PTPRG: variants seen among roughly 807,000 people sequenced by gnomAD.
The protein encoded by PTPRG is protein tyrosine phosphatase receptor type G.
Under a neutral mutation model 165.3 loss-of-function variants are expected in PTPRG, and 102 were observed. The observed-to-expected ratio is 0.62, with a 90% confidence interval of 0.53 to 0.73. The LOEUF is 0.73. PTPRG is among the 30% of genes least tolerant of loss of function. The pLI is 0.00. For synonymous variants in PTPRG, 675 were observed against 669.5 expected (o/e 1.01, Z -0.13); for missense variants, 1,866 against 1,861.4 (o/e 1.00, Z -0.05).
In PTPRG at chr3:62,203,556, G is replaced by C; in HGVS notation, c.1761G>C (p.Glu587Asp). 6.4e-7 allele frequency: 1 copy of C among 1,553,030 alleles called. No homozygotes were observed. The highest frequency in any genetic ancestry group is 8.7e-7 in the Non-Finnish European group (1 of 1,147,576). Residue 587 changes from glutamate to aspartate, a missense_variant, in exon 12 of 30, where the codon GAG becomes GAC. Physicochemically the swap from Glu to Asp is conservative, Grantham distance 45. Transcript: ENST00000474889. This position sits in a 1 kb window ranked among gnomAD's most constrained non-coding sequence, Gnocchi z 6.4. Reference protein sequence around the residue: ...TEEGEKDEKSESEDGEREHEE... With the variant: ...TEEGEKDEKSDSEDGEREHEE... The stretch of plus-strand genomic sequence containing the variant: ...AAGGAGAGAAGGATGAGAAAAGCGA[G>C]AGTGAGGATGGGGAGCGGGAGCACG...
chr3:61,872,382 A>T (rs926722806), intron 2 of PTPRG, among the ~76,000 whole-genome samples: 1 of 152,190 alleles, frequency 6.6e-6, no homozygotes. Context: ...AAAAGGAGAA[A>T]GAACGTTGGT....
chr3:62,156,133 C>T (rs1704529112), intron 6 of PTPRG, among the ~76,000 whole-genome samples: 1 of 152,246 alleles, frequency 6.6e-6, no homozygotes, highest in East Asian at 1.9e-4. Context: ...ACTATTCCTT[C>T]CTGTCCCAGG....
At chr3:62,198,141 T>C (rs1370697419) in intron 10 of PTPRG, among the ~76,000 whole-genome samples, 1 of 152,248 alleles carries the variant, frequency 6.6e-6, no homozygotes, top group Non-Finnish European at 1.5e-5. Flanking sequence ...ATGTTTACCT[T>C]ACTGTGGAAA....
rs377551660 is a variant in PTPRG, at chr3:61,708,484, C to T, written c.86-40394C>T. 4.4e-4 allele frequency among the ~76,000 whole-genome samples: 54 copies of T among 123,936 alleles called. 1 individual carries two copies. The South Asian group carries it at 0.012, about 29-fold the overall frequency. The allele number at this position is 123,936 out of a possible 152,430, so 81.3% of individuals were successfully genotyped here. On this transcript the variant is annotated intron_variant, in intron 1 of 29. Transcript: ENST00000474889. ...TTTTTTTTTTTTTGAGACAGAGTCT[C>T]GCTCTCTTGCTCTGTCACCCTGACT...
intron 2 of PTPRG, among the ~76,000 whole-genome samples, chr3:61,866,886 C>CG (rs1559657274): frequency 6.6e-6 from 1 of 152,068 alleles, no homozygotes; most frequent in East Asian, 1.9e-4. Flanking sequence ...CATGTGACAC[C>CG]GCACCCGGCC....
At position 62,229,820 on chromosome 3, in the gene PTPRG, C is replaced by T. The variant is rs977072145; in HGVS notation, c.2289-1405C>T. On this transcript the variant is annotated intron_variant, in intron 13 of 29. Coordinates refer to ENST00000474889, the MANE Select transcript of PTPRG (RefSeq NM_002841.4). The surrounding 1 kb of genome is among the most constrained non-coding windows in gnomAD (Gnocchi z 4.6). ...TCAGTTTACGGGTGGTAGTTTTAAG[C>T]GCCTGTGATTGTGTGTGAGGAAAAA... Among the ~76,000 whole-genome samples the T allele has an allele frequency of 2.0e-5, 3 of 152,168 alleles. No homozygotes were observed. The highest frequency in any genetic ancestry group is 4.4e-5 in the Non-Finnish European group (3 of 68,016).
intron 1 of PTPRG, among the ~76,000 whole-genome samples, chr3:61,590,656 A>G (rs1700546608): frequency 6.6e-6 from 1 of 152,236 alleles, no homozygotes; most frequent in Non-Finnish European, 1.5e-5. Context: ...TTACAAAAGT[A>G]TATTTATAGA....
intron 2 of PTPRG, among the ~76,000 whole-genome samples, chr3:61,948,255 G>T (rs1291178460): frequency 6.6e-6 from 1 of 152,108 alleles, no homozygotes. Context: ...AACCCAGGAG[G>T]TGGAGGTTGC....
chr3:62,226,118 G>A lies in PTPRG; in HGVS notation c.2289-5107G>A, dbSNP rs1482199645. 2.6e-5 allele frequency among the ~76,000 whole-genome samples: 4 copies of A among 152,326 alleles called. No individual in the cohort carries two copies. The East Asian group carries it at 5.8e-4, about 22-fold the overall frequency. ...TAAGATCATGTGACATCCCCAAGTC[G>A]CAGCGTTAATTTTTGGTGGATTGTG... On this transcript the variant is annotated intron_variant, in intron 13 of 29. Transcript: ENST00000474889.
intron 6 of PTPRG, among the ~76,000 whole-genome samples, chr3:62,154,239 A>T (rs1163783321): frequency 6.6e-6 from 1 of 152,180 alleles, no homozygotes; most frequent in African/African-American, 2.4e-5. Context: ...TGAACTGTCC[A>T]AGTCCCTTCC....
At chr3:61,676,689 G>A (rs1322678181) in intron 1 of PTPRG, among the ~76,000 whole-genome samples, 1 of 151,952 alleles carries the variant, frequency 6.6e-6, no homozygotes, top group South Asian at 2.1e-4. Flanking sequence ...GATAGTTAAT[G>A]CATGGTGTGT....
At chr3:62,039,447 G>T (rs571691058) in intron 4 of PTPRG, among the ~76,000 whole-genome samples, 1 of 152,178 alleles carries the variant, frequency 6.6e-6, no homozygotes, top group Non-Finnish European at 1.5e-5. Context: ...TAAAACTGTG[G>T]AAACAAGATG....
At chr3:62,034,321 A>G (rs953945258) in intron 4 of PTPRG, among the ~76,000 whole-genome samples, 2 of 152,240 alleles carry the variant, frequency 1.3e-5, no homozygotes, top group Admixed American at 6.5e-5. Flanking sequence ...CTGTATTTTA[A>G]TTCTCACTGG....
chr3:61,706,954 T>C (rs2031295096), intron 1 of PTPRG, among the ~76,000 whole-genome samples: 1 of 152,240 alleles, frequency 6.6e-6, no homozygotes, highest in African/African-American at 2.4e-5. Context: ...TGCATTTACA[T>C]ATGGGGAAAT....
intron 1 of PTPRG, among the ~76,000 whole-genome samples, chr3:61,590,279 T>A (rs1001578337): frequency 2.0e-5 from 3 of 151,796 alleles, no homozygotes; most frequent in Non-Finnish European, 4.4e-5. Context: ...CCCAGCACTT[T>A]GGGAGGCTGA....
intron 2 of PTPRG, among the ~76,000 whole-genome samples, chr3:61,882,558 C>G (rs975663629): frequency 1.3e-5 from 2 of 152,096 alleles, no homozygotes; most frequent in Non-Finnish European, 2.9e-5. Flanking sequence ...TGCCATCTCA[C>G]TTATTTGTGT....
At chr3:61,677,224 G>T (rs1703264368) in intron 1 of PTPRG, among the ~76,000 whole-genome samples, 2 of 138,880 alleles carry the variant, frequency 1.4e-5, no homozygotes, top group African/African-American at 5.6e-5. Flanking sequence ...CAGCGTGGGT[G>T]ACAGAGCGAG....
chr3:61,714,945 A>G (rs573574380), intron 1 of PTPRG, among the ~76,000 whole-genome samples: 2 of 152,150 alleles, frequency 1.3e-5, no homozygotes, highest in South Asian at 4.2e-4. Flanking sequence ...GTCACTTTGG[A>G]TTTTTTGTTC....
intron 5 of PTPRG, among the ~76,000 whole-genome samples, chr3:62,127,803 G>A (rs930494100): frequency 7.2e-5 from 11 of 152,274 alleles, no homozygotes; most frequent in South Asian, 4.1e-4. Flanking sequence ...GGCACATGTC[G>A]TCTGATGGGG....
Sources: allele counts gnomAD v4.1 joint callset (sites outside exome capture counted in the v4.1 genomes callset), GRCh38; gene constraint gnomAD v4.1.1; non-coding constraint Gnocchi (gnomAD v3.1); transcripts MANE v1.5; gene names NCBI Gene and HGNC (gene_info 2026-07-23, HGNC 2026-07-21).